WDR44: variants seen among roughly 807,000 people sequenced by gnomAD.
The protein encoded by WDR44 is WD repeat domain 44.
In WDR44, 9 loss-of-function variants were observed where a neutral mutation model predicts 65.7. That is an observed-to-expected ratio of 0.14 (90% CI 0.08 to 0.24). The LOEUF (loss-of-function observed/expected upper bound fraction) is 0.24, where lower values mean the gene tolerates loss of function less well. Ranked by LOEUF, WDR44 falls within the 10% of genes least tolerant of loss-of-function variation. WDR44 has a pLI of 1.00. For missense variants in WDR44, 425 were observed against 670.9 expected, an observed-to-expected ratio of 0.63 and a Z score of 4.05; for synonymous variants, 220 against 235.2, an observed-to-expected ratio of 0.94 and a Z score of 0.59.
At chrX:118,367,522 C>T (rs1446453247) in intron 1 of WDR44, among the ~76,000 whole-genome samples, 1 of 111,579 alleles carries the variant, frequency 9.0e-6, no homozygotes, top group Non-Finnish European at 1.9e-5. Flanking sequence ...GGCTACCTAC[C>T]TATGTGAAAC....
intron 8 of WDR44, among the ~76,000 whole-genome samples, chrX:118,401,497 G>A (rs1490796974): frequency 3.6e-5 from 3 of 84,235 alleles, no homozygotes; most frequent in African/African-American, 5.0e-5. Context: ...CATGTCCTTC[G>A]CCCACTTTTT....
chrX:118,421,639 T>G (rs1231637713), intron 12 of WDR44, among the ~76,000 whole-genome samples: 1 of 111,909 alleles, frequency 8.9e-6, no homozygotes, highest in East Asian at 2.8e-4. Context: ...TCTTAGCATC[T>G]GTGTGGAATA....
intron 15 of WDR44, 86 bp downstream of exon 15, chrX:118,441,645 G>A: frequency 2.6e-6 from 2 of 762,597 alleles, no homozygotes; most frequent in Non-Finnish European, 3.7e-6. Context: ...TCCCCTCTGG[G>A]CTTTAACTGC....
intron 12 of WDR44, among the ~76,000 whole-genome samples, chrX:118,427,458 G>A (rs2057167568): frequency 9.2e-6 from 1 of 108,184 alleles, no homozygotes; most frequent in South Asian, 4.1e-4. Flanking sequence ...TTTTAGTAGA[G>A]ACGGGGTTTC....
chrX:118,403,805 T>C (rs886750199), intron 8 of WDR44, among the ~76,000 whole-genome samples: 1 of 112,096 alleles, frequency 8.9e-6, no homozygotes, highest in Non-Finnish European at 1.9e-5. Flanking sequence ...GAATACCTAC[T>C]AGGAAAACTC....
intron 1 of WDR44, among the ~76,000 whole-genome samples, chrX:118,348,675 T>C (rs940842024): frequency 8.9e-6 from 1 of 111,988 alleles, no homozygotes; most frequent in Non-Finnish European, 1.9e-5. Flanking sequence ...TGGAAGGTTG[T>C]ATCATTTGCA....
intron 7 of WDR44, among the ~76,000 whole-genome samples, chrX:118,397,392 G>A (rs146654949): frequency 2.1e-4 from 23 of 111,154 alleles, no homozygotes; most frequent in Non-Finnish European, 3.0e-4. Context: ...GCAGCCAGGC[G>A]TGATAGTTCA....
At position 118,414,127 on chromosome X, in the gene WDR44, G is replaced by C. The variant is rs185547730; in HGVS notation, c.1737+3168G>C. 2.8e-3 allele frequency among the ~76,000 whole-genome samples: 310 copies of C among 110,523 alleles called. 2 individuals are homozygous for C. The highest frequency in any genetic ancestry group is 9.8e-3 in the African/African-American group (298 of 30,442). On this transcript the variant is annotated intron_variant, in intron 12 of 19. Coordinates refer to ENST00000254029, the MANE Select transcript of WDR44 (RefSeq NM_019045.5). Reference sequence around the variant, plus strand: ...CAGTAAGTGTGACGCCTCCGTATTTGTTCTTTTGCTTAGTCTTGCTTTGGC... The same window carrying C: ...CAGTAAGTGTGACGCCTCCGTATTTCTTCTTTTGCTTAGTCTTGCTTTGGC...
chrX:118,417,550 C>T (rs60725008), intron 12 of WDR44, among the ~76,000 whole-genome samples: 5,654 of 111,560 alleles, frequency 0.051, 342 homozygotes, highest in African/African-American at 0.17. Context: ...CTGAGAAATC[C>T]GCTGCTAATC....
chrX:118,396,457 G>A (rs1220673157), intron 6 of WDR44, among the ~76,000 whole-genome samples: 11 of 112,223 alleles, frequency 9.8e-5, no homozygotes, highest in Non-Finnish European at 1.9e-4. Context: ...TTCATACCAT[G>A]TTATATTTTT....
chrX:118,428,313 G>T (rs963981164), intron 12 of WDR44, among the ~76,000 whole-genome samples: 5 of 109,056 alleles, frequency 4.6e-5, no homozygotes, highest in Admixed American at 9.9e-5. Context: ...TAATAATAAT[G>T]ATTATTTTTG....
chrX:118,431,577 A>G (rs2057211680), intron 12 of WDR44, among the ~76,000 whole-genome samples: 2 of 112,135 alleles, frequency 1.8e-5, no homozygotes, highest in African/African-American at 6.5e-5. Flanking sequence ...TGCTGGGATT[A>G]CAGGCATGAG....
chrX:118,397,423 T>C (rs754229422), intron 7 of WDR44, among the ~76,000 whole-genome samples: 2 of 111,154 alleles, frequency 1.8e-5, no homozygotes, highest in East Asian at 2.8e-4. Context: ...CCCAGCACTT[T>C]AGGAGGCTGA....
intron 1 of WDR44, among the ~76,000 whole-genome samples, chrX:118,354,185 G>A (rs369929954): frequency 9.0e-6 from 1 of 111,597 alleles, no homozygotes; most frequent in East Asian, 2.8e-4. Context: ...AGAGGCTGAG[G>A]TGGAGGGATC....
At position 118,392,753 on chromosome X, in the gene WDR44, A is replaced by G. The variant is rs2056830257; in HGVS notation, c.308A>G (p.Asp103Gly). 1 of 1,212,051 alleles carries G rather than the reference A, an allele frequency of 8.3e-7. No individual in the cohort carries two copies. The highest frequency in any genetic ancestry group is 1.1e-6 in the Non-Finnish European group (1 of 895,579). ...ATASPIVART[D>G]LSNIPGLLAI... Reference sequence around the variant, plus strand: ...GCCAGTCCTATTGTGGCTAGAACAGATCTGAGCAATATACCCGGACTGTTA... The same window carrying G: ...GCCAGTCCTATTGTGGCTAGAACAGGTCTGAGCAATATACCCGGACTGTTA... The change falls in exon 4 of 20, where the codon GAT becomes GGT. Residue 103 changes from aspartate to glycine, a missense_variant. Asp to Gly is a moderately conservative substitution (Grantham distance 94). This residue lies in a region of WDR44 where 193 missense variants were observed against 209.0 expected (regional missense o/e 0.92). Coordinates refer to ENST00000254029, the MANE Select transcript of WDR44 (RefSeq NM_019045.5).
At chrX:118,446,312 G>A (rs1366131600) in intron 19 of WDR44, among the ~76,000 whole-genome samples, 1 of 110,244 alleles carries the variant, frequency 9.1e-6, no homozygotes, top group Non-Finnish European at 1.9e-5. Context: ...CAGGCGTTGT[G>A]GTATGTACCT....
intron 13 of WDR44, among the ~76,000 whole-genome samples, chrX:118,435,087 A>T (rs960631238): frequency 1.8e-5 from 2 of 111,860 alleles, no homozygotes; most frequent in Non-Finnish European, 1.9e-5. Flanking sequence ...TTTATTTAAT[A>T]AAAAGTATTT....
intron 19 of WDR44, among the ~76,000 whole-genome samples, chrX:118,447,875 AATATATATATAT>A (rs10570740): frequency 0.074 from 4,055 of 54,732 alleles, 264 homozygotes; most frequent in African/African-American, 0.2. Context: ...CTCTATCTAA[AATATATATATAT>A]ATATATATAT....
chrX:118,370,477 T>C (rs2056604684), intron 1 of WDR44, among the ~76,000 whole-genome samples: 1 of 111,030 alleles, frequency 9.0e-6, no homozygotes, highest in African/African-American at 3.3e-5. Context: ...TGCTATGTGA[T>C]GCATCCCTTT....
Sources: gnomAD v4.1 joint callset for allele counts (sites outside exome capture counted in the v4.1 genomes callset) on GRCh38, gnomAD v4.1.1 for gene constraint, gnomAD v4.1.1 regional missense constraint, MANE v1.5 for transcripts, NCBI Gene and HGNC (gene_info 2026-07-23, HGNC 2026-07-21) for gene names.